Variants in ASTL observed in about 807,000 individuals in gnomAD.
ASTL encodes the protein astacin like metalloendopeptidase.
In ASTL, 27 loss-of-function variants were observed where a neutral mutation model predicts 36.7. That is an observed-to-expected ratio of 0.73 (90% CI 0.54 to 1.01). The LOEUF (loss-of-function observed/expected upper bound fraction) is 1.01. Ranked by LOEUF, ASTL falls within the 50% of genes least tolerant of loss-of-function variation. The probability of loss-of-function intolerance (pLI) is 0.00; values close to 1 mark genes in which losing one functional copy is unlikely to be tolerated. For synonymous variants in ASTL, 222 were observed against 228.1 expected (o/e 0.97, Z 0.24); for missense variants, 524 against 572.8 (o/e 0.91, Z 0.87).
rs1238862126 is a variant in ASTL at position 96,132,277 on chromosome 2, A to G, written c.637+263T>C. 6.6e-6 allele frequency among the ~76,000 whole-genome samples: 1 copy of G among 152,150 alleles called. No homozygotes were observed. Among genetic ancestry groups the G allele is most frequent in the Non-Finnish European group, 1.5e-5 (1 of 68,020 alleles). ...GGGAGAGGACAGTGTCAGGGATGAG[A>G]AGCGAGACAAAGCAGGTGGTGGCGC... On this transcript the variant is annotated intron_variant, in intron 6 of 8. Coordinates refer to ENST00000342380, the MANE Select transcript of ASTL (RefSeq NM_001002036.4). The surrounding 1 kb of genome is among the most constrained non-coding windows in gnomAD (Gnocchi z 5.4).
At chr2:96,135,799 G>A (rs368851180) in intron 2 of ASTL, among the ~76,000 whole-genome samples, 1 of 152,080 alleles carries the variant, frequency 6.6e-6, no homozygotes, top group African/African-American at 2.4e-5. Flanking sequence ...AAGGCTTCTC[G>A]GCTGGACTGC....
chr2:96,133,167 C>A (rs1327846654), intron 5 of ASTL, among the ~76,000 whole-genome samples: 2 of 152,206 alleles, frequency 1.3e-5, no homozygotes, highest in African/African-American at 4.8e-5. Flanking sequence ...GTCTGCCCCG[C>A]AAAACCTCCT....
chr2:96,132,390 A>T lies in ASTL; in HGVS notation c.637+150T>A. 1.5e-6 allele frequency: 1 copy of T among 689,452 alleles called. No individual in the cohort carries two copies. Among genetic ancestry groups the T allele is most frequent in the Non-Finnish European group, 2.4e-6 (1 of 424,994 alleles). 42.7% of individuals were successfully genotyped at this position (689,452 alleles called of 1,614,324 possible). A position where few individuals can be genotyped will look rare whatever the true frequency, so the allele number is the denominator to read the frequency against. Reference sequence around the variant, plus strand: ...GTACCACCTCCAGGTACCAGGTACCAGACAGAAGTGAGACCCCCACCTTCC... The same window carrying T: ...GTACCACCTCCAGGTACCAGGTACCTGACAGAAGTGAGACCCCCACCTTCC... On this transcript the variant is annotated intron_variant, in intron 6 of 8. Transcript: ENST00000342380. The surrounding 1 kb of genome is among the most constrained non-coding windows in gnomAD (Gnocchi z 5.4).
At position 96,123,941 on chromosome 2, in the gene ASTL, G is replaced by C. The variant is rs771412793; in HGVS notation, c.1205C>G (p.Ala402Gly). Residue 402 changes from alanine (A) to glycine (G), a missense_variant, in exon 9 of 9, where the codon GCA (alanine) becomes GGA (glycine). Transcript: ENST00000342380. ...CTGGACAGGGACTGGCTGGATTCCT[G>C]CTTCTGAAGATGGGACTGTGGGCTT... ...STKPTVPSSEAGIQPVPVQGS... is the reference protein window; with the variant it reads ...STKPTVPSSEGGIQPVPVQGS... 1 of 1,613,996 alleles carries C rather than the reference G, an allele frequency of 6.2e-7. No individual in the cohort carries two copies. Among genetic ancestry groups the C allele is most frequent in the East Asian group, 2.2e-5 (1 of 44,882 alleles).
At position 96,123,516 on chromosome 2, in the gene ASTL, C is replaced by T. The variant is rs750358597; in HGVS notation, c.*334G>A. ...GCACAGGAGGGATTCCAGGGTTCTG[C>T]GGGGCTGGAACCTACCTCTTCCCCA... On this transcript the variant is annotated 3_prime_UTR_variant, in exon 9 of 9. Transcript: ENST00000342380. 2.0e-5 allele frequency among the ~76,000 whole-genome samples: 3 copies of T among 152,118 alleles called. No homozygotes were observed. Among genetic ancestry groups the T allele is most frequent in the African/African-American group, 2.4e-5 (1 of 41,398 alleles).
intron 6 of ASTL, among the ~76,000 whole-genome samples, chr2:96,130,863 T>G (rs960565630): frequency 2.0e-5 from 3 of 152,126 alleles, no homozygotes; most frequent in African/African-American, 7.2e-5. Flanking sequence ...AACATACTTT[T>G]GAATAAGTAG....
In ASTL at chr2:96,132,775, A is replaced by T; in HGVS notation, c.456-54T>A. 6.6e-7 allele frequency: 1 copy of T among 1,512,666 alleles called. No individual in the cohort carries two copies. Among genetic ancestry groups the T allele is most frequent in the Non-Finnish European group, 9.0e-7 (1 of 1,107,636 alleles). The allele number at this position is 1,512,666 out of a possible 1,614,324, so 93.7% of individuals were successfully genotyped here. On this transcript the variant is annotated intron_variant, in intron 5 of 8. Coordinates refer to ENST00000342380, the MANE Select transcript of ASTL (RefSeq NM_001002036.4). This position sits in a 1 kb window ranked among gnomAD's most constrained non-coding sequence, Gnocchi z 5.4. ...AGTGCCAGCCCAGATCCCTCCGGAC[A>T]TACAGACCTGGGCTCTCCCTCCCCA...
chr2:96,129,969 G>A lies in ASTL; in HGVS notation c.729C>T (p.Phe243=). Residue 243 remains phenylalanine (F), a synonymous_variant, in exon 8 of 9, where the codon TTC becomes TTT. Transcript: ENST00000342380. ...TGATGGTGGGCAGCCCACGCCGGCT[G>A]AAGGCGAGCCTGGAACCCAGCGGGA... ...SSVMHYGRLA[F]SRRGLPTITP... 3 of 1,603,816 alleles carry A rather than the reference G, an allele frequency of 1.9e-6. No individual in the cohort carries two copies. The highest frequency in any genetic ancestry group is 2.6e-6 in the Non-Finnish European group (3 of 1,171,746).
At chr2:96,136,995 C>T (rs931394307) in intron 2 of ASTL, among the ~76,000 whole-genome samples, 3 of 152,214 alleles carry the variant, frequency 2.0e-5, no homozygotes, top group African/African-American at 7.2e-5. Flanking sequence ...CAGGCGCCCG[C>T]CACCACGCCC....
intron 1 of ASTL, 103 bp from the exon 2 acceptor site, chr2:96,137,803 C>T: frequency 8.2e-7 from 1 of 1,225,184 alleles, no homozygotes; most frequent in Non-Finnish European, 1.1e-6. Context: ...CGGTAAGACT[C>T]AGTCCCTAGG....
At chr2:96,127,151 T>C (rs777366457) in intron 8 of ASTL, among the ~76,000 whole-genome samples, 1 of 152,244 alleles carries the variant, frequency 6.6e-6, no homozygotes, top group African/African-American at 2.4e-5. Flanking sequence ...CTATGTGTTA[T>C]GATTCCACTT....
intron 3 of ASTL, among the ~76,000 whole-genome samples, chr2:96,135,053 G>A (rs1573916149): frequency 2.0e-5 from 3 of 152,296 alleles, no homozygotes; most frequent in African/African-American, 7.2e-5. Flanking sequence ...CCTCCCGAGT[G>A]CTGAGCACCT....
intron 8 of ASTL, among the ~76,000 whole-genome samples, chr2:96,128,230 C>CAAA (rs541968437): frequency 3.5e-5 from 4 of 114,820 alleles, no homozygotes; most frequent in East Asian, 2.4e-4. Context: ...GAAACTGTCT[C>CAAA]AAAAAAAAAA....
At position 96,124,070 on chromosome 2, in the gene ASTL, G is replaced by A. The variant is rs774657969; in HGVS notation, c.1076C>T (p.Ser359Leu). The A allele has an allele frequency of 5.0e-6, 8 of 1,613,460 alleles. No individual in the cohort carries two copies. The highest frequency in any genetic ancestry group is 1.6e-4 in the Middle Eastern group (1 of 6,078). ...AGCTAGGGTCTGAGGCTGCCTTGCC[G>A]AGGCCTCTGCACTGAGCTTTTTCAG... ...PALKKLSAEA[S>L]ARQPQTLASS... The change falls in exon 9 of 9, where the codon TCG (serine) becomes TTG (leucine). Residue 359 changes from serine to leucine, a missense_variant. Transcript: ENST00000342380. This position sits in a 1 kb window ranked among gnomAD's most constrained non-coding sequence, Gnocchi z 4.1.
At chr2:96,126,615 T>C (rs1274314041) in intron 8 of ASTL, among the ~76,000 whole-genome samples, 1 of 152,092 alleles carries the variant, frequency 6.6e-6, no homozygotes, top group East Asian at 1.9e-4. Flanking sequence ...CCCAGCACTT[T>C]GGGAGGCCGA....
At chr2:96,125,779 C>T (rs1682051564) in intron 8 of ASTL, among the ~76,000 whole-genome samples, 1 of 152,148 alleles carries the variant, frequency 6.6e-6, no homozygotes, top group Admixed American at 6.5e-5. Context: ...CCTGTCTCTA[C>T]TAAAAATACA....
chr2:96,126,521 C>T (rs1174065927), intron 8 of ASTL, among the ~76,000 whole-genome samples: 1 of 152,200 alleles, frequency 6.6e-6, no homozygotes, highest in East Asian at 1.9e-4. Flanking sequence ...TGGGAGAAAT[C>T]GGAACCCTCG....
rs1682024815 is a variant in ASTL, at chr2:96,124,421, A to T, written c.875-150T>A. Reference sequence around the variant, plus strand: ...CCAAGACCCAGATTCCCACCCTACCAGAGACCAGGACAATGAAGCCATCCC... The same window carrying T: ...CCAAGACCCAGATTCCCACCCTACCTGAGACCAGGACAATGAAGCCATCCC... On this transcript the variant is annotated intron_variant, in intron 8 of 8. Coordinates refer to ENST00000342380, the MANE Select transcript of ASTL (RefSeq NM_001002036.4). The surrounding 1 kb of genome is among the most constrained non-coding windows in gnomAD (Gnocchi z 4.1). 1 of 603,914 alleles carries T rather than the reference A, an allele frequency of 1.7e-6. No individual in the cohort carries two copies. The highest frequency in any genetic ancestry group is 2.6e-6 in the Non-Finnish European group (1 of 382,812). The allele number at this position is 603,914 out of a possible 1,614,324, so 37.4% of individuals were successfully genotyped here.
rs1435010112 is a variant in ASTL at position 96,134,059 on chromosome 2, C to T, written c.244-1G>A. On this transcript the variant is annotated splice_acceptor_variant, in intron 3 of 8. Transcript: ENST00000342380. LOFTEE classifies it high-confidence loss of function. Reference sequence around the variant, plus strand: ...TTGCTGACAGCAGTCGGAAGGGACTCTGAGGAGAGAGCAGCAGTTCAACCC... The same window carrying T: ...TTGCTGACAGCAGTCGGAAGGGACTTTGAGGAGAGAGCAGCAGTTCAACCC... The T allele has an allele frequency of 6.2e-7, 1 of 1,610,930 alleles. No individual in the cohort carries two copies. The highest frequency in any genetic ancestry group is 8.5e-7 in the Non-Finnish European group (1 of 1,177,232).
Sources: gnomAD v4.1 joint callset for allele counts (sites outside exome capture counted in the v4.1 genomes callset) on GRCh38, gnomAD v4.1.1 for gene constraint, Gnocchi (gnomAD v3.1) non-coding constraint, MANE v1.5 for transcripts, NCBI Gene and HGNC (gene_info 2026-07-23, HGNC 2026-07-21) for gene names.